The following CNBD1 variants were observed in gnomAD, a reference collection of about 807,000 sequenced individuals.
CNBD1 encodes the protein cyclic nucleotide-binding domain-containing protein 1.
In CNBD1, 71 loss-of-function variants were observed where a neutral mutation model predicts 54.4. That is an observed-to-expected ratio of 1.30 (90% confidence interval 1.08 to 1.59). The LOEUF (loss-of-function observed/expected upper bound fraction) is 1.59. Among genes scored for constraint, CNBD1 ranks in the 40% most tolerant of loss-of-function variants. The pLI, the probability that CNBD1 is intolerant of heterozygous loss-of-function variation, is 0.00. For synonymous variants in CNBD1, 182 were observed against 170.7 expected, an observed-to-expected ratio of 1.07 and a Z score of -0.51; for missense variants, 659 against 518.0, an observed-to-expected ratio of 1.27 and a Z score of -2.64.
chr8:86,956,347 G>GT (rs1227160154), intron 4 of CNBD1, among the ~76,000 whole-genome samples: 1 of 152,300 alleles, frequency 6.6e-6, no homozygotes, highest in Non-Finnish European at 1.5e-5. Flanking sequence ...CTTTAAAGTA[G>GT]TTTTTTCCAA....
At chr8:87,350,408 C>T (rs1178800825) in intron 8 of CNBD1, among the ~76,000 whole-genome samples, 1 of 151,874 alleles carries the variant, frequency 6.6e-6, no homozygotes, top group South Asian at 2.1e-4. Flanking sequence ...ATTATGCCAA[C>T]AAAATTATTG....
chr8:87,238,546 G>A (rs1010377741), intron 6 of CNBD1, among the ~76,000 whole-genome samples: 4 of 152,008 alleles, frequency 2.6e-5, no homozygotes, highest in Non-Finnish European at 5.9e-5. Flanking sequence ...CTCCATCAGG[G>A]CCCTAGCCTT....
intron 6 of CNBD1, among the ~76,000 whole-genome samples, chr8:87,261,638 C>A (rs1443203717): frequency 6.6e-6 from 1 of 151,218 alleles, no homozygotes; most frequent in Non-Finnish European, 1.5e-5. Flanking sequence ...AGAATTTGAA[C>A]ACTTAGCAGT....
At chr8:87,214,716 G>A (rs983122107) in intron 5 of CNBD1, among the ~76,000 whole-genome samples, 1 of 152,150 alleles carries the variant, frequency 6.6e-6, no homozygotes. Flanking sequence ...TCATGGCAGA[G>A]GGCAAAGTTG....
At chr8:87,352,263 G>A (rs899125981) in intron 9 of CNBD1, among the ~76,000 whole-genome samples, 21 of 151,946 alleles carry the variant, frequency 1.4e-4, no homozygotes, top group Admixed American at 6.6e-4. Context: ...GGCGGATCAC[G>A]AGATCAGGAG....
intron 2 of CNBD1, among the ~76,000 whole-genome samples, chr8:86,893,483 A>C (rs1808802940): frequency 6.6e-6 from 1 of 152,178 alleles, no homozygotes; most frequent in South Asian, 2.1e-4. Flanking sequence ...TCTAGATGAT[A>C]TTATCTTAAA....
Position 86,969,793 on chromosome 8 carries a change from T to TAC in CNBD1, c.431+30067_431+30068dup, listed in dbSNP as rs10547170. ...AGGACTAGTGTTTTATATATATATA[T>TAC]ACACACACACACACACACACACACA... On this transcript the variant is annotated intron_variant, in intron 4 of 10. Transcript: ENST00000518476. 5.5e-3 allele frequency among the ~76,000 whole-genome samples: 788 copies of TAC among 144,522 alleles called. 7 individuals carry two copies. Among genetic ancestry groups the TAC allele is most frequent in the African/African-American group, 0.018 (693 of 39,198 alleles). The allele number at this position is 144,522 out of a possible 152,430, so 94.8% of individuals were successfully genotyped here.
chr8:87,098,823 G>T (rs1425793024), intron 4 of CNBD1, among the ~76,000 whole-genome samples: 1 of 151,130 alleles, frequency 6.6e-6, no homozygotes, highest in Non-Finnish European at 1.5e-5. Flanking sequence ...GGATCATGAG[G>T]TCAGGAGTTT....
At chr8:87,419,144 GC>G (rs1286210715) in intron 2 of CNBD1, among the ~76,000 whole-genome samples, 6 of 151,746 alleles carry the variant, frequency 4.0e-5, no homozygotes, top group African/African-American at 1.5e-4. Context: ...ACTGATTTAT[GC>G]TACAAACAAT....
At chr8:87,375,878 C>T (rs1810919898) in intron 10 of CNBD1, among the ~76,000 whole-genome samples, 1 of 151,860 alleles carries the variant, frequency 6.6e-6, no homozygotes, top group Admixed American at 6.6e-5. Context: ...CTATGTCTGT[C>T]TTTTCCTTTT....
rs1481638674 is a variant in CNBD1 at position 87,163,997 on chromosome 8, A to G, written c.432-41996A>G. Among the ~76,000 whole-genome samples the G allele has an allele frequency of 6.6e-6, 1 of 151,824 alleles. No homozygotes were observed. The highest frequency in any genetic ancestry group is 1.5e-5 in the Non-Finnish European group (1 of 67,838). On this transcript the variant is annotated intron_variant, in intron 4 of 10. Transcript: ENST00000518476. This position sits in a 1 kb window ranked among gnomAD's most constrained non-coding sequence, Gnocchi z 4.5. Reference sequence around the variant, plus strand: ...TGTACCTAATTTGTTGAGAATTTCTATTTTTGAAAGAATGCCTAGTTTTGT... The same window carrying G: ...TGTACCTAATTTGTTGAGAATTTCTGTTTTTGAAAGAATGCCTAGTTTTGT...
chr8:87,369,317 T>A (rs1471814336), intron 10 of CNBD1, among the ~76,000 whole-genome samples: 1 of 152,002 alleles, frequency 6.6e-6, no homozygotes, highest in African/African-American at 2.4e-5. Context: ...GCTGTTTGAG[T>A]CATCTATGTT....
chr8:87,267,670 A>G (rs567641639), intron 6 of CNBD1, among the ~76,000 whole-genome samples: 4 of 152,342 alleles, frequency 2.6e-5, no homozygotes, highest in East Asian at 1.9e-4. Context: ...TGAGTATAGC[A>G]TACAACAATG....
intron 4 of CNBD1, among the ~76,000 whole-genome samples, chr8:87,008,837 TA>T (rs554986128): frequency 7.9e-5 from 12 of 152,280 alleles, no homozygotes; most frequent in Admixed American, 5.9e-4. Context: ...TTCATATTGC[TA>T]AAAAAAGTAG....
chr8:86,871,098 T>G (rs1192293778), intron 1 of CNBD1, among the ~76,000 whole-genome samples: 2 of 152,234 alleles, frequency 1.3e-5, no homozygotes, highest in Non-Finnish European at 2.9e-5. Flanking sequence ...ATGTACTTTT[T>G]GTCAAACCAT....
intron 4 of CNBD1, among the ~76,000 whole-genome samples, chr8:87,086,638 T>C (rs1811101323): frequency 6.6e-6 from 1 of 152,182 alleles, no homozygotes; most frequent in African/African-American, 2.4e-5. Context: ...AACCTGCTTT[T>C]AAAGGCCAAA....
At chr8:87,085,570 T>C (rs924282688) in intron 4 of CNBD1, among the ~76,000 whole-genome samples, 1 of 152,198 alleles carries the variant, frequency 6.6e-6, no homozygotes, top group Non-Finnish European at 1.5e-5. Context: ...AGTGCACTGC[T>C]GATTTCAAAT....
intron 4 of CNBD1, among the ~76,000 whole-genome samples, chr8:87,034,819 C>T (rs942863472): frequency 6.6e-6 from 1 of 152,050 alleles, no homozygotes; most frequent in African/African-American, 2.4e-5. Context: ...ACAAGTGGAC[C>T]TGTACAGTTC....
At chr8:87,345,047 C>T (rs1810142024) in intron 8 of CNBD1, among the ~76,000 whole-genome samples, 2 of 152,090 alleles carry the variant, frequency 1.3e-5, no homozygotes, top group Admixed American at 1.3e-4. Context: ...TGCACTGTGC[C>T]TTACACATTA....
Sources: gnomAD v4.1 joint callset for allele counts (sites outside exome capture counted in the v4.1 genomes callset) on GRCh38, gnomAD v4.1.1 for gene constraint, Gnocchi (gnomAD v3.1) non-coding constraint, MANE v1.5 for transcripts, NCBI Gene and HGNC (gene_info 2026-07-23, HGNC 2026-07-21) for gene names.